GRM8: variants seen among roughly 807,000 people sequenced by gnomAD.
The protein encoded by GRM8 is glutamate metabotropic receptor 8.
Under a neutral mutation model 87.2 loss-of-function variants are expected in GRM8, and 47 were observed. The observed-to-expected ratio is 0.54, with a 90% confidence interval of 0.43 to 0.69. The LOEUF is 0.69. Among genes scored for constraint, GRM8 ranks in the 30% least tolerant of loss-of-function variants. The probability of loss-of-function intolerance (pLI) is 0.00; values close to 1 mark genes in which losing one functional copy is unlikely to be tolerated. For missense variants in GRM8, 1,019 were observed against 1,139.2 expected (o/e 0.89, Z 1.52); for synonymous variants, 396 against 404.5 (o/e 0.98, Z 0.25).
At chr7:127,104,402 T>C (rs978489473) in intron 3 of GRM8, among the ~76,000 whole-genome samples, 1 of 152,316 alleles carries the variant, frequency 6.6e-6, no homozygotes, top group Non-Finnish European at 1.5e-5. Flanking sequence ...GTTGCTACCA[T>C]TTGCCATTCC....
At chr7:126,576,040 C>CT (rs1795089185) in intron 8 of GRM8, among the ~76,000 whole-genome samples, 1 of 152,120 alleles carries the variant, frequency 6.6e-6, no homozygotes, top group South Asian at 2.1e-4. Context: ...TGAGTAAGCC[C>CT]TTTCTAGTCT....
chr7:127,145,938 G>C (rs529132726), intron 2 of GRM8, among the ~76,000 whole-genome samples: 45 of 152,142 alleles, frequency 3.0e-4, no homozygotes, highest in African/African-American at 1.1e-3. Context: ...AGCAGTATCT[G>C]TAAGATAAAT....
chr7:127,151,000 GAAC>G (rs1828830530), intron 2 of GRM8, among the ~76,000 whole-genome samples: 1 of 152,050 alleles, frequency 6.6e-6, no homozygotes, highest in African/African-American at 2.4e-5. Context: ...GGTTTTAGCA[GAAC>G]AACAGGTTTT....
At chr7:126,896,342 G>A (rs1323340076) in intron 6 of GRM8, among the ~76,000 whole-genome samples, 9 of 151,908 alleles carry the variant, frequency 5.9e-5, no homozygotes, top group Admixed American at 2.0e-4. Context: ...TAGTGCTCAC[G>A]TAAAGGCATT....
At chr7:126,609,297 C>T in intron 8 of GRM8, 65 bp downstream of exon 8, 7 of 1,263,564 alleles carry the variant, frequency 5.5e-6, no homozygotes, top group Non-Finnish European at 7.7e-6. Flanking sequence ...AAGTTATACA[C>T]TTAAAAATAA....
At chr7:127,064,145 G>A (rs1013448198) in intron 3 of GRM8, among the ~76,000 whole-genome samples, 4 of 152,142 alleles carry the variant, frequency 2.6e-5, no homozygotes, top group African/African-American at 9.7e-5. Context: ...ATATCCATTT[G>A]GTCCAATGTT....
chr7:126,543,156 G>T (rs2150901576), intron 8 of GRM8, among the ~76,000 whole-genome samples: 2 of 152,122 alleles, frequency 1.3e-5, no homozygotes, highest in South Asian at 2.1e-4. Flanking sequence ...AGTCCTTTTA[G>T]TGTTCTTCCA....
chr7:126,574,870 A>G (rs1205525167), intron 8 of GRM8, among the ~76,000 whole-genome samples: 1 of 152,142 alleles, frequency 6.6e-6, no homozygotes, highest in Admixed American at 6.5e-5. Flanking sequence ...GTGTGGACTC[A>G]GCACTTCCTG....
chr7:127,161,444 C>T (rs1401170747), intron 2 of GRM8, among the ~76,000 whole-genome samples: 1 of 152,174 alleles, frequency 6.6e-6, no homozygotes, highest in Admixed American at 6.5e-5. Flanking sequence ...ATTGATTCTT[C>T]CATCATCCAA....
rs78091144 is a variant in GRM8, at chr7:127,041,287, G to A, written c.727+65209C>T. Among the ~76,000 whole-genome samples, 1,390 of 152,280 alleles carry A rather than the reference G, an allele frequency of 9.1e-3. 10 individuals are homozygous for A. Among genetic ancestry groups the A allele is most frequent in the Non-Finnish European group, 0.015 (1,007 of 68,030 alleles). On this transcript the variant is annotated intron_variant, in intron 3 of 10. Coordinates refer to ENST00000339582, the MANE Select transcript of GRM8 (RefSeq NM_000845.3). ...CATCTGTAGGAGAGAGGAGGCTGAG[G>A]TGTTCCATTTTACTTCCTTTACAAT...
At chr7:126,628,409 G>A (rs1800908909) in intron 7 of GRM8, among the ~76,000 whole-genome samples, 1 of 152,132 alleles carries the variant, frequency 6.6e-6, no homozygotes, top group African/African-American at 2.4e-5. Flanking sequence ...TTTCTTGAAA[G>A]TTTTGTATAG....
chr7:126,819,201 T>C (rs905923473), intron 6 of GRM8, among the ~76,000 whole-genome samples: 2 of 152,000 alleles, frequency 1.3e-5, no homozygotes, highest in Admixed American at 1.3e-4. Context: ...CAATTTAGTT[T>C]CACCATAGTT....
chr7:126,672,266 C>T (rs74570746), intron 7 of GRM8, among the ~76,000 whole-genome samples: 51 of 152,238 alleles, frequency 3.4e-4, no homozygotes, highest in South Asian at 1.0e-3. Context: ...TGGCATCTGC[C>T]GAGGTCACTG....
rs373693314 is a variant in GRM8 at position 126,992,103 on chromosome 7, G to T, written c.728-87420C>A. ...CCAGTGATTACAGAATCTGAGTAAG[G>T]AAAAAAACTGTAGCCAATAAACTGA... On this transcript the variant is annotated intron_variant, in intron 3 of 10. Transcript: ENST00000339582. Among the ~76,000 whole-genome samples, 2 of 152,198 alleles carry T rather than the reference G, an allele frequency of 1.3e-5. 1 individual carries two copies.
At chr7:126,647,958 T>C (rs1305433175) in intron 7 of GRM8, among the ~76,000 whole-genome samples, 3 of 152,176 alleles carry the variant, frequency 2.0e-5, no homozygotes, top group Non-Finnish European at 4.4e-5. Context: ...TTGGAAGAAA[T>C]CCAAAGTTTT....
intron 3 of GRM8, among the ~76,000 whole-genome samples, chr7:126,917,112 A>G (rs1393699011): frequency 1.2e-4 from 19 of 152,178 alleles, no homozygotes; most frequent in Non-Finnish European, 5.9e-5. Flanking sequence ...AGTAGCTAGG[A>G]CTACAGGTGT....
intron 6 of GRM8, among the ~76,000 whole-genome samples, chr7:126,840,844 C>G (rs1189048332): frequency 6.6e-6 from 1 of 152,122 alleles, no homozygotes; most frequent in Admixed American, 6.5e-5. Flanking sequence ...GAGGTTAGAG[C>G]TTGTTTTTAT....
At chr7:127,155,827 C>T (rs1484954634) in intron 2 of GRM8, among the ~76,000 whole-genome samples, 5 of 152,220 alleles carry the variant, frequency 3.3e-5, no homozygotes, top group Non-Finnish European at 5.9e-5. Flanking sequence ...CCTCCTTATG[C>T]TAATTTTGAT....
chr7:126,477,626 A>AGAAC (rs1491376790), intron 9 of GRM8, among the ~76,000 whole-genome samples: 2 of 147,418 alleles, frequency 1.4e-5, no homozygotes, highest in East Asian at 2.0e-4. Flanking sequence ...AAAGAAAGAA[A>AGAAC]GAAAGAAAGA....
Sources: gnomAD v4.1 joint callset for allele counts (sites outside exome capture counted in the v4.1 genomes callset) on GRCh38, gnomAD v4.1.1 for gene constraint, MANE v1.5 for transcripts, NCBI Gene and HGNC (gene_info 2026-07-23, HGNC 2026-07-21) for gene names.